SLC30A8: variants seen among roughly 807,000 people sequenced by gnomAD.
SLC30A8 encodes the protein solute carrier family 30 member 8.
A neutral mutation model predicts 36.9 loss-of-function variants in SLC30A8; 27 were observed. The ratio of observed to expected loss-of-function variants is 0.73; its 90% CI spans 0.54 to 1.01. SLC30A8 has a LOEUF of 1.01. SLC30A8 is among the 50% of genes least tolerant of loss of function. The pLI is 0.00. For missense variants in SLC30A8, 439 were observed against 452.0 expected, an observed-to-expected ratio of 0.97 and a Z score of 0.26; for synonymous variants, 164 against 172.4, an observed-to-expected ratio of 0.95 and a Z score of 0.38.
At chr8:117,014,297 T>C (rs1409925690) in intron 1 of SLC30A8, among the ~76,000 whole-genome samples, 1 of 151,612 alleles carries the variant, frequency 6.6e-6, no homozygotes, top group Non-Finnish European at 1.5e-5. Flanking sequence ...TCCTTCTTAG[T>C]TTCCAGAATG....
intron 1 of SLC30A8, among the ~76,000 whole-genome samples, chr8:117,011,386 C>G (rs1816340345): frequency 6.6e-6 from 1 of 152,188 alleles, no homozygotes; most frequent in African/African-American, 2.4e-5. Flanking sequence ...TTAGTCTGCC[C>G]TCTTATTGCG....
chr8:117,030,707 G>A (rs914919804), intron 1 of SLC30A8, among the ~76,000 whole-genome samples: 4 of 152,250 alleles, frequency 2.6e-5, no homozygotes, highest in African/African-American at 9.6e-5. Context: ...GAGTTATTTA[G>A]ATAGTCTGGA....
Position 116,962,332 on chromosome 8 carries a change from A to T in SLC30A8, c.-266+11213A>T, listed in dbSNP as rs1814452063. Among the ~76,000 whole-genome samples the T allele has an allele frequency of 1.3e-5, 2 of 152,002 alleles. 1 individual carries two copies. The highest frequency in any genetic ancestry group is 4.2e-4 in the South Asian group (2 of 4,778). On this transcript the variant is annotated intron_variant, in intron 1 of 10. Coordinates refer to the SLC30A8 transcript ENST00000427715. ...CAGTTTTCTGTGTAGGCCGATCCTA[A>T]GTTATGCCAAGAAAAGCCATGCCAC...
intron 2 of SLC30A8, among the ~76,000 whole-genome samples, chr8:117,098,238 A>G (rs551877186): frequency 1.4e-4 from 21 of 151,612 alleles, no homozygotes; most frequent in African/African-American, 5.1e-4. Context: ...TTTTCTATGA[A>G]TACATGCTTG....
intron 1 of SLC30A8, among the ~76,000 whole-genome samples, chr8:116,993,459 T>C (rs1037212880): frequency 3.3e-5 from 5 of 152,044 alleles, no homozygotes; most frequent in Admixed American, 2.6e-4. Flanking sequence ...GCATCTACAA[T>C]GTCTAAAAAT....
intron 1 of SLC30A8, among the ~76,000 whole-genome samples, chr8:116,997,701 A>G (rs1219823424): frequency 6.6e-6 from 1 of 152,194 alleles, no homozygotes; most frequent in Non-Finnish European, 1.5e-5. Flanking sequence ...TTATTAGAGG[A>G]ATTTCTTTGG....
intron 2 of SLC30A8, among the ~76,000 whole-genome samples, chr8:117,050,949 T>C (rs1406210658): frequency 6.6e-6 from 1 of 152,210 alleles, no homozygotes; most frequent in African/African-American, 2.4e-5. Context: ...GTCTCTCTTC[T>C]GCGAAATGGA....
chr8:117,097,426 T>TAA (rs1819436974), intron 2 of SLC30A8, among the ~76,000 whole-genome samples: 1 of 109,616 alleles, frequency 9.1e-6, no homozygotes, highest in Non-Finnish European at 1.7e-5. Flanking sequence ...AAAATATATA[T>TAA]AAATATATAT....
chr8:117,001,553 C>T (rs1416976768), intron 1 of SLC30A8, among the ~76,000 whole-genome samples: 2 of 152,136 alleles, frequency 1.3e-5, no homozygotes, highest in Admixed American at 6.5e-5. Flanking sequence ...ATGGCTGACT[C>T]ATTCTAAAAT....
chr8:117,128,653 G>A (rs1217005543), intron 2 of SLC30A8: 4 of 151,966 alleles, frequency 2.6e-5, no homozygotes, highest in Non-Finnish European at 5.9e-5. Context: ...TTAAAAAAAT[G>A]TTAAAAGTTT....
intron 1 of SLC30A8, among the ~76,000 whole-genome samples, chr8:117,002,358 T>TA: frequency 6.6e-6 from 1 of 152,290 alleles, no homozygotes; most frequent in East Asian, 1.9e-4. Context: ...TGTTACAAAT[T>TA]ACATGCCTTA....
rs73701664 is a variant in SLC30A8 at position 117,043,698 on chromosome 8, G to A, written c.-226+4440G>A. 5.4e-3 allele frequency among the ~76,000 whole-genome samples: 821 copies of A among 152,250 alleles called. 5 individuals are homozygous for A. The highest frequency in any genetic ancestry group is 0.018 in the African/African-American group (767 of 41,552). The stretch of plus-strand genomic sequence containing the variant: ...GCCTGTGAGCTACTCAGAGATTTGT[G>A]CAATTCTCAACATTTTCCATTTATA... On this transcript the variant is annotated intron_variant, in intron 2 of 10. Coordinates refer to the SLC30A8 transcript ENST00000427715.
chr8:117,068,497 TATC>T lies in SLC30A8; in HGVS notation c.-226+29244_-226+29246del, dbSNP rs1818233962. ...CACATGCATCATTTTTGCACGTAAT[TATC>T]ATCACCATCCTCTCAACTGCTTCTC... On this transcript the variant is annotated intron_variant, in intron 2 of 10. Transcript: ENST00000427715. Among the ~76,000 whole-genome samples, 4 of 152,276 alleles carry T rather than the reference TATC, an allele frequency of 2.6e-5. No homozygotes were observed. The South Asian group carries it at 8.3e-4, about 32-fold the overall frequency.
At chr8:116,983,083 A>G (rs935051840) in intron 1 of SLC30A8, among the ~76,000 whole-genome samples, 4 of 152,176 alleles carry the variant, frequency 2.6e-5, no homozygotes, top group Non-Finnish European at 5.9e-5. Flanking sequence ...TTGGGAAGTC[A>G]TTGTTACATT....
intron 2 of SLC30A8, among the ~76,000 whole-genome samples, chr8:117,149,218 G>T (rs943417643): frequency 6.6e-6 from 1 of 152,170 alleles, no homozygotes; most frequent in Non-Finnish European, 1.5e-5. Context: ...TCAAGGATGA[G>T]TGTTGACTTT....
rs1389695784 is a variant in SLC30A8 at position 117,139,520 on chromosome 8, C to T, written c.71+4122C>T. On this transcript the variant is annotated intron_variant, in intron 1 of 7. Transcript: ENST00000456015. Reference sequence around the variant, plus strand: ...AGAAAATACATTTTTGTTGTTTAAGCCACACAGTCTGTGGTATGTTGTTAT... The same window carrying T: ...AGAAAATACATTTTTGTTGTTTAAGTCACACAGTCTGTGGTATGTTGTTAT... Among the ~76,000 whole-genome samples, 3 of 152,034 alleles carry T rather than the reference C, an allele frequency of 2.0e-5. No homozygotes were observed. In the East Asian group the frequency reaches 5.8e-4, roughly 29 times the overall value.
At chr8:117,107,961 G>A (rs763823633) in intron 2 of SLC30A8, among the ~76,000 whole-genome samples, 46 of 152,082 alleles carry the variant, frequency 3.0e-4, no homozygotes, top group Non-Finnish European at 6.0e-4. Flanking sequence ...AAACCAGCTT[G>A]CTCTGAAATA....
chr8:117,048,779 A>G (rs1817625840), intron 2 of SLC30A8, among the ~76,000 whole-genome samples: 1 of 152,238 alleles, frequency 6.6e-6, no homozygotes, highest in Admixed American at 6.5e-5. Flanking sequence ...TCTTTGGCCT[A>G]AAAACATAAC....
upstream of SLC30A8, chr8:117,134,873 A>G (rs1171064671): frequency 6.6e-6 from 1 of 152,422 alleles, no homozygotes; most frequent in Non-Finnish European, 1.5e-5. Flanking sequence ...GCTGATAAAG[A>G]GTCCAGAAAA....
Sources: gnomAD v4.1 joint callset for allele counts (sites outside exome capture counted in the v4.1 genomes callset) on GRCh38, gnomAD v4.1.1 for gene constraint, MANE v1.5 for transcripts, NCBI Gene and HGNC (gene_info 2026-07-23, HGNC 2026-07-21) for gene names.